The following SMAD9 variants were observed in gnomAD, a reference collection of about 807,000 sequenced individuals.
SMAD9 encodes MAD homolog 9.
In SMAD9, 36 loss-of-function variants were observed where a neutral mutation model predicts 46.1. That is an observed-to-expected ratio of 0.78 (90% CI 0.60 to 1.03). SMAD9 has a LOEUF of 1.03. SMAD9 is among the 50% of genes least tolerant of loss of function. The pLI is 0.00. For missense variants in SMAD9, 572 were observed against 599.8 expected (o/e 0.95, Z 0.48); for synonymous variants, 245 against 237.1 (o/e 1.03, Z -0.31).
At chr13:36,855,251 CAAAA>C (rs1198605048) in intron 5 of SMAD9, among the ~76,000 whole-genome samples, 1 of 45,970 alleles carries the variant, frequency 2.2e-5, no homozygotes, top group Non-Finnish European at 4.4e-5. Flanking sequence ...GAGTCCATCT[CAAAA>C]AAAAAAAAAA....
chr13:36,890,885 T>C (rs375336377), intron 1 of SMAD9, among the ~76,000 whole-genome samples: 1 of 151,962 alleles, frequency 6.6e-6, no homozygotes, highest in African/African-American at 2.4e-5. Flanking sequence ...TGTGAGCTGG[T>C]GGCAGAGCAG....
intron 1 of SMAD9, among the ~76,000 whole-genome samples, chr13:36,915,362 G>A (rs2058690614): frequency 6.6e-6 from 1 of 152,188 alleles, no homozygotes; most frequent in Admixed American, 6.5e-5. Context: ...TTTCGCAACT[G>A]CAGCACCAAA....
chr13:36,847,354 C>T lies in SMAD9; in HGVS notation c.*1322G>A, dbSNP rs763918295. ...GTGTGAAATATTTTTCCAAGCAATGCAGTGTTTAGTGCATGGCAAGTATAT... is the reference window on the plus strand; with the variant it reads ...GTGTGAAATATTTTTCCAAGCAATGTAGTGTTTAGTGCATGGCAAGTATAT... On this transcript the variant is annotated 3_prime_UTR_variant, in exon 7 of 7. Coordinates refer to ENST00000379826, the MANE Select transcript of SMAD9 (RefSeq NM_001127217.3). 10 of 152,116 alleles carry T rather than the reference C, an allele frequency of 6.6e-5. No homozygotes were observed. The highest frequency in any genetic ancestry group is 1.5e-5 in the Non-Finnish European group (1 of 68,024). The allele number at this position is 152,116 out of a possible 1,614,324, so 9.4% of individuals were successfully genotyped here. A position where few individuals can be genotyped will look rare whatever the true frequency, so the allele number is the denominator to read the frequency against.
rs375862141 is a variant in SMAD9 at position 36,877,781 on chromosome 13, G to C, written c.412+1497C>G. ...CTCAGTCCCTGAATGGGCTGTGGGAGGCATCCACACACAGGTAGATGTTAA... is the reference window on the plus strand; with the variant it reads ...CTCAGTCCCTGAATGGGCTGTGGGACGCATCCACACACAGGTAGATGTTAA... On this transcript the variant is annotated intron_variant, in intron 2 of 6. Coordinates refer to ENST00000379826, the MANE Select transcript of SMAD9 (RefSeq NM_001127217.3). Among the ~76,000 whole-genome samples, 13 of 152,304 alleles carry C rather than the reference G, an allele frequency of 8.5e-5. No homozygotes were observed. In the East Asian group the frequency reaches 1.9e-3, roughly 23 times the overall value.
At chr13:36,911,628 G>C (rs1054307779) in intron 1 of SMAD9, among the ~76,000 whole-genome samples, 16 of 118,314 alleles carry the variant, frequency 1.4e-4, no homozygotes, top group East Asian at 1.2e-3. Flanking sequence ...GGGGGGGGGG[G>C]GCGGGTGGAG....
intron 1 of SMAD9, among the ~76,000 whole-genome samples, chr13:36,902,339 T>C (rs1455422610): frequency 6.6e-6 from 1 of 152,254 alleles, no homozygotes; most frequent in Non-Finnish European, 1.5e-5. Flanking sequence ...TTCTGGACTT[T>C]CAATTCTATT....
rs749938130 is a variant in SMAD9, at chr13:36,879,252, AC to A, written c.412+25del. On this transcript the variant is annotated intron_variant, in intron 2 of 6. Transcript: ENST00000379826. The stretch of plus-strand genomic sequence containing the variant: ...CACACGACCTTCACTCTGAAAATAA[AC>A]CTTGACGTCGTAAAGACGACCCACC... The A allele has an allele frequency of 1.9e-6, 3 of 1,607,760 alleles. No homozygotes were observed. The African/African-American group carries it at 4.0e-5, about 21-fold the overall frequency.
chr13:36,850,400 G>A (rs978270653), intron 6 of SMAD9, among the ~76,000 whole-genome samples: 1 of 152,056 alleles, frequency 6.6e-6, no homozygotes, highest in African/African-American at 2.4e-5. Context: ...ATTTTTTTGA[G>A]ATGGAGTCTG....
chr13:36,870,105 GGCTATGCCTT>G (rs1566021063), intron 3 of SMAD9, among the ~76,000 whole-genome samples: 1 of 152,084 alleles, frequency 6.6e-6, no homozygotes, highest in East Asian at 1.9e-4. Context: ...AAGTGAAAAG[GGCTATGCCTT>G]CTGTGAGAAA....
intron 5 of SMAD9, among the ~76,000 whole-genome samples, chr13:36,860,536 G>A (rs1424995572): frequency 6.7e-6 from 1 of 149,082 alleles, no homozygotes; most frequent in South Asian, 2.1e-4. Context: ...TGCAAGCTCT[G>A]CCTCCTGGGT....
chr13:36,890,300 G>A (rs1012844836), intron 1 of SMAD9, among the ~76,000 whole-genome samples: 1 of 152,072 alleles, frequency 6.6e-6, no homozygotes, highest in Non-Finnish European at 1.5e-5. Flanking sequence ...ACATGTTCTG[G>A]AAGGGCACTG....
At chr13:36,915,706 G>A (rs2058693524) in intron 1 of SMAD9, among the ~76,000 whole-genome samples, 2 of 152,108 alleles carry the variant, frequency 1.3e-5, no homozygotes. Context: ...GGAATGAGGG[G>A]GAAGAACCAT....
chr13:36,911,354 C>T (rs1355583061), intron 1 of SMAD9, among the ~76,000 whole-genome samples: 2 of 151,992 alleles, frequency 1.3e-5, no homozygotes, highest in Non-Finnish European at 2.9e-5. Context: ...GAAGTTCTAA[C>T]CTAAAGCCCA....
intron 1 of SMAD9, among the ~76,000 whole-genome samples, chr13:36,887,169 T>A (rs1208803346): frequency 6.7e-6 from 1 of 149,324 alleles, no homozygotes; most frequent in East Asian, 2.0e-4. Context: ...CATGTCCAGT[T>A]TGAATGGGTT....
chr13:36,898,446 TAA>T (rs1037292985), intron 1 of SMAD9, among the ~76,000 whole-genome samples: 1 of 151,230 alleles, frequency 6.6e-6, no homozygotes, highest in Non-Finnish European at 1.5e-5. Flanking sequence ...AAAAATCTTA[TAA>T]GATATTAGAA....
intron 1 of SMAD9, among the ~76,000 whole-genome samples, chr13:36,911,547 T>C (rs1037453859): frequency 6.1e-5 from 9 of 148,130 alleles, no homozygotes; most frequent in Non-Finnish European, 1.3e-4. Context: ...TTTAATGATG[T>C]GTGGGCAATT....
intron 1 of SMAD9, among the ~76,000 whole-genome samples, chr13:36,889,846 A>T (rs1312334549): frequency 6.6e-6 from 1 of 152,158 alleles, no homozygotes; most frequent in Non-Finnish European, 1.5e-5. Context: ...CAAACCTCTT[A>T]TACTTTGGCA....
At chr13:36,852,076 T>A (rs1365103675) in intron 6 of SMAD9, 1 of 972,308 alleles carries the variant, frequency 1.0e-6, no homozygotes, top group Non-Finnish European at 1.2e-6. Flanking sequence ...TTATAATATA[T>A]GCTTTCAAAA....
intron 5 of SMAD9, among the ~76,000 whole-genome samples, chr13:36,862,752 G>C (rs1156854082): frequency 6.6e-6 from 1 of 152,150 alleles, no homozygotes; most frequent in African/African-American, 2.4e-5. Context: ...TGAGTTCCAA[G>C]AATCTTCTCT....
Sources: gnomAD v4.1 joint callset for allele counts (sites outside exome capture counted in the v4.1 genomes callset) on GRCh38, gnomAD v4.1.1 for gene constraint, MANE v1.5 for transcripts, NCBI Gene and HGNC (gene_info 2026-07-23, HGNC 2026-07-21) for gene names.